Variants in NBAS observed in about 807,000 individuals in gnomAD.
The protein encoded by NBAS is NAG/BC035112 fusion.
NBAS carries 219 observed loss-of-function variants against 302.5 expected under a neutral mutation model. The ratio of observed to expected loss-of-function variants is 0.72; its 90% CI spans 0.65 to 0.81. The LOEUF (loss-of-function observed/expected upper bound fraction) is 0.81, where lower values mean the gene tolerates loss of function less well. Ranked by LOEUF, NBAS falls within the 30% of genes least tolerant of loss-of-function variation. The probability of loss-of-function intolerance (pLI) is 0.00; values close to 1 mark genes in which losing one functional copy is unlikely to be tolerated. For synonymous variants in NBAS, 1,118 were observed against 1,021.6 expected (o/e 1.09, Z -1.80); for missense variants, 2,932 against 2,841.6 (o/e 1.03, Z -0.72).
chr2:14,999,559 C>T, the NBAS span, among the ~76,000 whole-genome samples: 2,135 of 152,106 alleles, frequency 0.014, 42 homozygotes, highest in African/African-American at 0.04. Context: ...TTTTCCCATT[C>T]GCATGCTCTC....
intron 51 of NBAS, among the ~76,000 whole-genome samples, chr2:15,176,458 GACAC>G (rs71400639): frequency 1.9e-4 from 29 of 149,314 alleles, no homozygotes; most frequent in South Asian, 2.1e-4. Flanking sequence ...GTCACATGGA[GACAC>G]ACACACACAC....
At chr2:15,333,453 G>A (rs1672440830) in intron 35 of NBAS, among the ~76,000 whole-genome samples, 1 of 152,108 alleles carries the variant, frequency 6.6e-6, no homozygotes, top group Non-Finnish European at 1.5e-5. Flanking sequence ...AACAAAGGGA[G>A]TAACAATCAG....
intron 48 of NBAS, among the ~76,000 whole-genome samples, chr2:15,208,989 T>C (rs1430698291): frequency 6.6e-6 from 1 of 151,682 alleles, no homozygotes; most frequent in Non-Finnish European, 1.5e-5. Context: ...GAAAACAACA[T>C]AAAAGATCAC....
intron 3 of NBAS, among the ~76,000 whole-genome samples, chr2:15,556,431 T>C (rs1664649297): frequency 6.6e-6 from 1 of 152,162 alleles, no homozygotes; most frequent in Admixed American, 6.5e-5. Context: ...AGCAGTTGAA[T>C]ATTAACCACA....
the NBAS span, among the ~76,000 whole-genome samples, chr2:14,779,554 T>G: frequency 6.6e-6 from 1 of 152,168 alleles, no homozygotes. Flanking sequence ...CCCACCCCAG[T>G]GCCTTTGTGC....
chr2:15,190,917 T>C (rs73194933), intron 48 of NBAS, among the ~76,000 whole-genome samples: 2,413 of 152,308 alleles, frequency 0.016, 52 homozygotes, highest in African/African-American at 0.053. Context: ...AAATATCCTT[T>C]ATTTATACCT....
At chr2:15,135,625 G>A in the NBAS span, among the ~76,000 whole-genome samples, 4 of 152,100 alleles carry the variant, frequency 2.6e-5, no homozygotes, top group East Asian at 1.9e-4. Context: ...ATAGTTATCC[G>A]GGAACCGTTG....
chr2:15,242,079 T>A (rs1441352448), intron 44 of NBAS, among the ~76,000 whole-genome samples: 10 of 152,192 alleles, frequency 6.6e-5, no homozygotes, highest in African/African-American at 2.4e-4. Context: ...AGTCCTCTGC[T>A]CCAACATCCA....
chr2:14,951,165 G>A, the NBAS span, among the ~76,000 whole-genome samples: 1 of 152,146 alleles, frequency 6.6e-6, no homozygotes, highest in Non-Finnish European at 1.5e-5. Context: ...CCTCCAGTTT[G>A]CCTAGTACAC....
the NBAS span, among the ~76,000 whole-genome samples, chr2:15,029,383 C>A: frequency 6.6e-6 from 1 of 152,122 alleles, no homozygotes; most frequent in African/African-American, 2.4e-5. Flanking sequence ...AGACTCGCTG[C>A]CTTCAGGCTG....
the NBAS span, among the ~76,000 whole-genome samples, chr2:15,042,641 C>T: frequency 3.3e-5 from 5 of 152,130 alleles, no homozygotes; most frequent in Admixed American, 6.5e-5. Context: ...ATGAGGATGG[C>T]AGGGCTGTGA....
intron 44 of NBAS, among the ~76,000 whole-genome samples, chr2:15,251,606 G>T (rs945888482): frequency 6.6e-6 from 1 of 152,142 alleles, no homozygotes; most frequent in Non-Finnish European, 1.5e-5. Context: ...TAAATTAGGG[G>T]TGTATTATTC....
At chr2:15,494,228 GAA>G (rs1460507936) in intron 11 of NBAS, among the ~76,000 whole-genome samples, 3 of 152,160 alleles carry the variant, frequency 2.0e-5, no homozygotes, top group Non-Finnish European at 4.4e-5. Context: ...TTCAACAGCT[GAA>G]ATTTTGGTCA....
chr2:15,196,257 T>C (rs1335193240), intron 48 of NBAS, among the ~76,000 whole-genome samples: 2 of 152,226 alleles, frequency 1.3e-5, no homozygotes, highest in Non-Finnish European at 2.9e-5. Flanking sequence ...GCTGGTTATA[T>C]GAACCTATAC....
At chr2:15,140,383 A>G in the NBAS span, among the ~76,000 whole-genome samples, 3 of 152,236 alleles carry the variant, frequency 2.0e-5, 1 homozygote, top group Admixed American at 2.0e-4. Flanking sequence ...GTTGGTTGAC[A>G]ACCCTAAATT....
At chr2:15,364,794 T>C (rs1674116534) in intron 32 of NBAS, among the ~76,000 whole-genome samples, 1 of 152,056 alleles carries the variant, frequency 6.6e-6, no homozygotes, top group East Asian at 1.9e-4. Flanking sequence ...TCTGATGAAA[T>C]TTCATAAAAG....
At position 15,266,871 on chromosome 2, in the gene NBAS, A is replaced by AT. The variant is rs539055121; in HGVS notation, c.5724+8612dup. On this transcript the variant is annotated intron_variant, in intron 44 of 51. Transcript: ENST00000281513. ...TACCTCTCTAATACACTCTAAATTC[A>AT]TATAGATAGCTGTCCACAGCTCAAC... Among the ~76,000 whole-genome samples the AT allele has an allele frequency of 5.1e-3, 783 of 152,334 alleles. 3 individuals are homozygous for AT. The highest frequency in any genetic ancestry group is 0.016 in the African/African-American group (669 of 41,574).
the NBAS span, among the ~76,000 whole-genome samples, chr2:14,851,080 A>G: frequency 7.9e-6 from 1 of 126,722 alleles, no homozygotes; most frequent in African/African-American, 4.2e-5. Context: ...AACTAAAATC[A>G]GAGCAGAACT....
the NBAS span, among the ~76,000 whole-genome samples, chr2:15,138,607 C>T: frequency 1.3e-5 from 2 of 152,078 alleles, no homozygotes; most frequent in Non-Finnish European, 2.9e-5. Flanking sequence ...GAATGAAGAC[C>T]ACTCTCCTTG....
Sources: gnomAD v4.1 joint callset for allele counts (sites outside exome capture counted in the v4.1 genomes callset) on GRCh38, gnomAD v4.1.1 for gene constraint, MANE v1.5 for transcripts, NCBI Gene and HGNC (gene_info 2026-07-23, HGNC 2026-07-21) for gene names.